The following SUGP2 variants were observed in gnomAD, a reference collection of about 807,000 sequenced individuals.
SUGP2 encodes the protein SURP and G-patch domain-containing protein 2.
A neutral mutation model predicts 90.5 loss-of-function variants in SUGP2; 24 were observed. That is an observed-to-expected ratio of 0.27 (90% CI 0.19 to 0.37). The LOEUF (loss-of-function observed/expected upper bound fraction) is 0.37, where lower values mean the gene tolerates loss of function less well. Among genes scored for constraint, SUGP2 ranks in the 10% least tolerant of loss-of-function variants. The pLI is 1.00. For synonymous variants in SUGP2, 473 were observed against 513.4 expected, an observed-to-expected ratio of 0.92 and a Z score of 1.06; for missense variants, 1,233 against 1,363.3, an observed-to-expected ratio of 0.90 and a Z score of 1.51.
intron 3 of SUGP2, 53 bp from the exon 4 acceptor site, chr19:19,019,282 G>A: frequency 6.3e-7 from 1 of 1,578,288 alleles, no homozygotes; most frequent in Non-Finnish European, 8.7e-7. Context: ...TGGGCTCTGA[G>A]AAGACGAGGA....
rs2145385371 is a variant in SUGP2, at chr19:19,004,370, A to G, written c.2727T>C (p.Pro909=). ...DEDGGEEAPA[P]GGAGKSEGST... is the part of the protein sequence containing the mutation. ...TGCCCTCAGACTTGCCCGCCCCTCC[A>G]GGAGCGGGGGCCTCCTCTCCCCCAT... The change falls in exon 7 of 11, where the codon CCT becomes CCC. Residue 909 remains proline, a synonymous_variant. Coordinates refer to ENST00000452918, the MANE Select transcript of SUGP2 (RefSeq NM_001017392.5). 1 of 1,613,796 alleles carries G rather than the reference A, an allele frequency of 6.2e-7. No individual in the cohort carries two copies. The highest frequency in any genetic ancestry group is 1.3e-5 in the African/African-American group (1 of 75,040).
chr19:18,996,655 C>T (rs188117707), intron 8 of SUGP2, among the ~76,000 whole-genome samples: 5 of 152,204 alleles, frequency 3.3e-5, no homozygotes, highest in Admixed American at 6.5e-5. Flanking sequence ...TGGGTTCAAG[C>T]GATTCTCCTG....
At chr19:19,020,810 A>G (rs1429404820) in intron 3 of SUGP2, among the ~76,000 whole-genome samples, 2 of 143,678 alleles carry the variant, frequency 1.4e-5, no homozygotes, top group Non-Finnish European at 3.2e-5. Flanking sequence ...AACACAGAAC[A>G]TGTTTCTTCG....
At chr19:19,031,533 CAA>C (rs912857757) in intron 1 of SUGP2, among the ~76,000 whole-genome samples, 22 of 71,872 alleles carry the variant, frequency 3.1e-4, no homozygotes, top group East Asian at 4.0e-4. Flanking sequence ...GACTCCGTCT[CAA>C]AAAAAAAAAA....
Position 19,025,680 on chromosome 19 carries a change from C to A in SUGP2, c.668G>T (p.Gly223Val), listed in dbSNP as rs1187663367. The A allele has an allele frequency of 2.5e-6, 4 of 1,614,032 alleles. No homozygotes were observed. The highest frequency in any genetic ancestry group is 1.1e-5 in the South Asian group (1 of 91,076). The change falls in exon 3 of 11, where the codon GGT becomes GTT. Residue 223 changes from glycine (G) to valine (V), a missense_variant. By Grantham distance (109) the Gly-to-Val change is moderately radical. Around this residue, in one of 8 missense-constraint regions of SUGP2, gnomAD observed 418 missense variants for 399.9 expected, o/e 1.05. Coordinates refer to ENST00000452918, the MANE Select transcript of SUGP2 (RefSeq NM_001017392.5). ...AGTCTCCCCCTTTCCTAGGAGGGAA[C>A]CTTCCTGGTCAACGATGTTTAGAGC... ...GRALNIVDQE[G>V]SLLGKGETQG...
At position 19,009,713 on chromosome 19, in the gene SUGP2, T is replaced by G. The variant is rs541309772; in HGVS notation, c.2338+142A>C. On this transcript the variant is annotated intron_variant, in intron 5 of 10. Coordinates refer to ENST00000452918, the MANE Select transcript of SUGP2 (RefSeq NM_001017392.5). ...GAAAGCAAGAGAGAAAGCGCCAACA[T>G]GTACACTTGTCCTGGCCAGGTCCCT... is the stretch of plus-strand genomic sequence containing the variant. 6.5e-6 allele frequency: 7 copies of G among 1,073,540 alleles called. No homozygotes were observed. The East Asian group carries it at 1.5e-4, about 22-fold the overall frequency. The allele number at this position is 1,073,540 out of a possible 1,614,324, so 66.5% of individuals were successfully genotyped here. A position where few individuals can be genotyped will look rare whatever the true frequency, so the allele number is the denominator to read the frequency against.
At position 19,001,644 on chromosome 19, in the gene SUGP2, C is replaced by T; in HGVS notation, c.2960G>A (p.Arg987Lys). The T allele has an allele frequency of 6.2e-7, 1 of 1,614,216 alleles. No individual in the cohort carries two copies. Among genetic ancestry groups the T allele is most frequent in the Non-Finnish European group, 8.5e-7 (1 of 1,180,042 alleles). ...VHEPVRIAYD[R>K]PRGRPMSKKK... ...TTTGGACATGGGACGACCCCGAGGC[C>T]TGTCATAGGCAATTCGAACTGGTTC... Residue 987 changes from arginine to lysine, a missense_variant, in exon 8 of 11, where the codon AGG becomes AAG. Coordinates refer to ENST00000452918, the MANE Select transcript of SUGP2 (RefSeq NM_001017392.5).
intron 7 of SUGP2, among the ~76,000 whole-genome samples, chr19:19,002,551 T>C (rs140411225): frequency 0.13 from 18,724 of 144,332 alleles, 1,473 homozygotes; most frequent in Middle Eastern, 0.19. Context: ...TTCGCTCTTG[T>C]TGCCCAGGCT....
chr19:19,000,042 G>T (rs577271816), intron 8 of SUGP2, among the ~76,000 whole-genome samples: 1 of 152,166 alleles, frequency 6.6e-6, no homozygotes, highest in African/African-American at 2.4e-5. Flanking sequence ...CCTGGTTCCC[G>T]CCCACAGGCT....
intron 6 of SUGP2, among the ~76,000 whole-genome samples, chr19:19,006,365 T>A (rs1340872161): frequency 4.6e-5 from 7 of 152,116 alleles, no homozygotes; most frequent in African/African-American, 1.7e-4. Flanking sequence ...CTTGGCCCAT[T>A]TACAAGCATG....
At chr19:19,005,676 A>C (rs1368933313) in intron 6 of SUGP2, among the ~76,000 whole-genome samples, 1 of 152,034 alleles carries the variant, frequency 6.6e-6, no homozygotes, top group African/African-American at 2.4e-5. Flanking sequence ...CTTTATAATT[A>C]TTATTACACA....
At chr19:19,010,525 G>T (rs956936431) in intron 4 of SUGP2, among the ~76,000 whole-genome samples, 183 bp from the exon 5 acceptor site, 1 of 152,188 alleles carries the variant, frequency 6.6e-6, no homozygotes, top group East Asian at 1.9e-4. Flanking sequence ...TGCTAAGAGT[G>T]ACCACAGGGC....
chr19:19,024,786 G>C lies in SUGP2; in HGVS notation c.1562C>G (p.Thr521Ser), dbSNP rs2058858887. 1 of 1,614,176 alleles carries C rather than the reference G, an allele frequency of 6.2e-7. No homozygotes were observed. Among genetic ancestry groups the C allele is most frequent in the Non-Finnish European group, 8.5e-7 (1 of 1,180,032 alleles). The change falls in exon 3 of 11, where the codon ACT becomes AGT. Residue 521 changes from threonine (T) to serine (S), a missense_variant. Thr to Ser is a moderately conservative substitution (Grantham distance 58). Transcript: ENST00000452918. ...GTCTATGTACTCTCGCCCAAACAAA[G>C]TGGAGTCTTCGAAGTTTGGAAACGC... ...PAAFPNFEDS[T>S]LFGREYIDHL...
Position 19,033,458 on chromosome 19 carries a change from G to GCCACCCCCGCCGCCGCCTCAGGCT in SUGP2, c.-57_-34dup. The GCCACCCCCGCCGCCGCCTCAGGCT allele has an allele frequency of 2.1e-6, 3 of 1,398,936 alleles. No homozygotes were observed. The highest frequency in any genetic ancestry group is 2.8e-6 in the Non-Finnish European group (3 of 1,076,194). The allele number at this position is 1,398,936 out of a possible 1,614,324, so 86.7% of individuals were successfully genotyped here. A position where few individuals can be genotyped will look rare whatever the true frequency, so the allele number is the denominator to read the frequency against. On this transcript the variant is annotated 5_prime_UTR_variant, in exon 1 of 11. Coordinates refer to ENST00000452918, the MANE Select transcript of SUGP2 (RefSeq NM_001017392.5). ...TCACCCCGAGACCACCGCGCGCGGA[G>GCCACCCCCGCCGCCGCCTCAGGCT]CCACCCCCGCCGCCGCCTCAGGCTC...
intron 9 of SUGP2, 189 bp from the exon 10 acceptor site, chr19:18,994,675 T>C: frequency 1.3e-6 from 1 of 772,900 alleles, no homozygotes; most frequent in Non-Finnish European, 2.0e-6. Flanking sequence ...AGAGCTGGCT[T>C]TTGAGGGGGT....
At chr19:19,010,683 C>G (rs2058276106) in intron 4 of SUGP2, among the ~76,000 whole-genome samples, 1 of 152,198 alleles carries the variant, frequency 6.6e-6, no homozygotes, top group South Asian at 2.1e-4. Context: ...TTAAATGGCC[C>G]AGCCAGGATG....
intron 4 of SUGP2, among the ~76,000 whole-genome samples, chr19:19,014,296 C>T (rs1568423754): frequency 6.6e-6 from 1 of 152,156 alleles, no homozygotes; most frequent in Non-Finnish European, 1.5e-5. Flanking sequence ...CCTGGCTCTT[C>T]TGACATCTTT....
intron 2 of SUGP2, among the ~76,000 whole-genome samples, chr19:19,027,296 A>T (rs994988985): frequency 3.4e-5 from 5 of 146,012 alleles, no homozygotes; most frequent in African/African-American, 1.1e-4. Flanking sequence ...TGACCTAGTT[A>T]AAAAAAAAAT....
At chr19:19,004,125 A>G (rs753024012) in intron 7 of SUGP2, 43 bp downstream of exon 7, 1 of 1,453,570 alleles carries the variant, frequency 6.9e-7, no homozygotes, top group Non-Finnish European at 9.3e-7. Flanking sequence ...CCACCAACCA[A>G]GAACTGTGCT....
Sources: gnomAD v4.1 joint callset for allele counts (sites outside exome capture counted in the v4.1 genomes callset) on GRCh38, gnomAD v4.1.1 for gene constraint, gnomAD v4.1.1 regional missense constraint, MANE v1.5 for transcripts, NCBI Gene and HGNC (gene_info 2026-07-23, HGNC 2026-07-21) for gene names.